Variants in MYRIP observed in about 807,000 individuals in gnomAD.
MYRIP encodes the protein rab effector MyRIP.
MYRIP carries 49 observed loss-of-function variants against 98.0 expected under a neutral mutation model. The observed-to-expected ratio is 0.50, with a 90% CI of 0.40 to 0.63. The LOEUF is 0.63. Ranked by LOEUF, MYRIP falls within the 30% of genes least tolerant of loss-of-function variation. The pLI, the probability that MYRIP is intolerant of heterozygous loss-of-function variation, is 0.00. For synonymous variants in MYRIP, 404 were observed against 409.5 expected (o/e 0.99, Z 0.16); for missense variants, 1,004 against 1,058.2 (o/e 0.95, Z 0.71).
intron 1 of MYRIP, among the ~76,000 whole-genome samples, chr3:39,821,742 C>G (rs906907109): frequency 6.6e-6 from 1 of 151,824 alleles, no homozygotes; most frequent in Non-Finnish European, 1.5e-5. Flanking sequence ...TTTCCTAGAA[C>G]TTTTTAATAT....
chr3:40,213,267 T>C (rs1952016208), intron 11 of MYRIP, among the ~76,000 whole-genome samples: 1 of 152,194 alleles, frequency 6.6e-6, no homozygotes. Flanking sequence ...ATTTGTAAAA[T>C]GGGGATAATC....
chr3:40,136,686 C>G (rs1294478335), intron 3 of MYRIP, among the ~76,000 whole-genome samples: 2 of 152,142 alleles, frequency 1.3e-5, no homozygotes. Context: ...CAAACTGTCT[C>G]TCAGACCACA....
chr3:40,028,889 C>A (rs1947195708), intron 2 of MYRIP, among the ~76,000 whole-genome samples: 1 of 152,114 alleles, frequency 6.6e-6, no homozygotes, highest in Admixed American at 6.5e-5. Flanking sequence ...CATTCCTCCA[C>A]TGAGCCTGAA....
intron 4 of MYRIP, among the ~76,000 whole-genome samples, chr3:40,162,030 C>G (rs1950406902): frequency 6.6e-6 from 1 of 152,140 alleles, no homozygotes; most frequent in South Asian, 2.1e-4. Context: ...CACCTTTTCT[C>G]CCAGGACTGG....
chr3:40,095,367 G>T (rs1948806674), intron 3 of MYRIP, among the ~76,000 whole-genome samples: 1 of 152,096 alleles, frequency 6.6e-6, no homozygotes, highest in South Asian at 2.1e-4. Context: ...CACAGGTTTT[G>T]CTGCTCTGAG....
At chr3:40,151,777 A>G (rs149377952) in intron 4 of MYRIP, among the ~76,000 whole-genome samples, 2,644 of 152,348 alleles carry the variant, frequency 0.017, 35 homozygotes, top group Non-Finnish European at 0.029. Flanking sequence ...AAAGAATGGT[A>G]GTCAGAATAT....
chr3:40,090,023 T>A (rs531919313), intron 3 of MYRIP, among the ~76,000 whole-genome samples: 1 of 151,792 alleles, frequency 6.6e-6, no homozygotes, highest in East Asian at 1.9e-4. Context: ...GTCTCTCTTA[T>A]GAGTTATTGT....
chr3:40,249,015 C>T (rs1953287592), intron 13 of MYRIP, among the ~76,000 whole-genome samples: 1 of 152,176 alleles, frequency 6.6e-6, no homozygotes, highest in African/African-American at 2.4e-5. Flanking sequence ...ATGCATCTTC[C>T]AAATTTGCTG....
intron 1 of MYRIP, among the ~76,000 whole-genome samples, chr3:39,849,577 TTTG>T (rs2125604101): frequency 6.6e-6 from 1 of 152,280 alleles, no homozygotes; most frequent in South Asian, 2.1e-4. Context: ...ACACTGGTAA[TTTG>T]TAAGTTATAA....
intron 2 of MYRIP, among the ~76,000 whole-genome samples, chr3:39,964,230 G>GA (rs1299259532): frequency 6.6e-5 from 10 of 151,570 alleles, no homozygotes; most frequent in East Asian, 1.9e-4. Flanking sequence ...TTTCAATTCA[G>GA]AAAAAAAACT....
chr3:39,945,331 A>T (rs2125712763), intron 2 of MYRIP, among the ~76,000 whole-genome samples: 1 of 141,546 alleles, frequency 7.1e-6, no homozygotes, highest in East Asian at 2.1e-4. Flanking sequence ...AAAAAAAAAA[A>T]AAAAGCTGTG....
At chr3:40,011,407 G>A (rs904455968) in intron 2 of MYRIP, among the ~76,000 whole-genome samples, 3 of 152,140 alleles carry the variant, frequency 2.0e-5, no homozygotes, top group South Asian at 2.1e-4. Context: ...TAGGCTCACC[G>A]TTAATCATGG....
intron 3 of MYRIP, among the ~76,000 whole-genome samples, chr3:40,069,578 G>GT: frequency 6.6e-6 from 1 of 152,044 alleles, no homozygotes; most frequent in East Asian, 1.9e-4. Context: ...CCGTTAAATA[G>GT]TAACTCCCTA....
chr3:39,927,035 T>C (rs1011803952), intron 2 of MYRIP, among the ~76,000 whole-genome samples: 3 of 151,822 alleles, frequency 2.0e-5, no homozygotes, highest in African/African-American at 7.3e-5. Flanking sequence ...CCTTGAGAGA[T>C]CTTTCACCTC....
intron 2 of MYRIP, among the ~76,000 whole-genome samples, chr3:39,959,618 C>G (rs1398754238): frequency 6.6e-6 from 1 of 151,036 alleles, no homozygotes; most frequent in Non-Finnish European, 1.5e-5. Flanking sequence ...CACATGTATA[C>G]ATATGTAACA....
chr3:39,868,963 T>G (rs1453601150), intron 1 of MYRIP, among the ~76,000 whole-genome samples: 2 of 152,224 alleles, frequency 1.3e-5, no homozygotes, highest in Non-Finnish European at 2.9e-5. Flanking sequence ...TTTTTTCTTC[T>G]TGAAAAGACA....
intron 3 of MYRIP, among the ~76,000 whole-genome samples, chr3:40,069,220 C>G (rs1036573334): frequency 6.6e-6 from 1 of 152,120 alleles, no homozygotes; most frequent in Non-Finnish European, 1.5e-5. Context: ...CTCTTCTCCC[C>G]CCATATCCTG....
chr3:40,125,879 C>T (rs1273300458), intron 3 of MYRIP, among the ~76,000 whole-genome samples: 4 of 152,314 alleles, frequency 2.6e-5, no homozygotes, highest in South Asian at 2.1e-4. Context: ...ACACTTCCAG[C>T]CTCTGAGCCA....
Position 39,857,139 on chromosome 3 carries a change from C to T in MYRIP, c.-30-43648C>T, listed in dbSNP as rs146240261. ...GAAGTGGGAGTATTGCTTGGGCTTG[C>T]GAGGTCAAGGAGGCAGTGAGCCAAG... is the stretch of plus-strand genomic sequence containing the variant. On this transcript the variant is annotated intron_variant, in intron 1 of 16. Coordinates refer to ENST00000302541, the MANE Select transcript of MYRIP (RefSeq NM_015460.4). Among the ~76,000 whole-genome samples the T allele has an allele frequency of 4.9e-4, 74 of 151,710 alleles. No individual in the cohort carries two copies. The South Asian group carries it at 0.01, about 21-fold the overall frequency.
Sources: allele counts gnomAD v4.1 joint callset (sites outside exome capture counted in the v4.1 genomes callset), GRCh38; gene constraint gnomAD v4.1.1; transcripts MANE v1.5; gene names NCBI Gene and HGNC (gene_info 2026-07-23, HGNC 2026-07-21).